Variants in SRPK2 observed in about 807,000 individuals in gnomAD.
SRPK2 encodes the protein SRSF protein kinase 2.
Under a neutral mutation model 90.8 loss-of-function variants are expected in SRPK2, and 21 were observed. The observed-to-expected ratio is 0.23, with a 90% CI of 0.16 to 0.33. The LOEUF (loss-of-function observed/expected upper bound fraction) is 0.33. Ranked by LOEUF, SRPK2 falls within the 10% of genes least tolerant of loss-of-function variation. The pLI is 1.00. For missense variants in SRPK2, 620 were observed against 869.0 expected, an observed-to-expected ratio of 0.71 and a Z score of 3.60; for synonymous variants, 288 against 311.1, an observed-to-expected ratio of 0.93 and a Z score of 0.78.
At chr7:105,165,743 A>C (rs1789963018) in intron 6 of SRPK2, among the ~76,000 whole-genome samples, 1 of 152,196 alleles carries the variant, frequency 6.6e-6, no homozygotes, top group African/African-American at 2.4e-5. Flanking sequence ...GAGGGAATAA[A>C]AGCTGGCCAC....
At chr7:105,279,447 C>T (rs376451100) in intron 2 of SRPK2, among the ~76,000 whole-genome samples, 1 of 152,108 alleles carries the variant, frequency 6.6e-6, no homozygotes, top group Non-Finnish European at 1.5e-5. Flanking sequence ...TAAGTTCTGG[C>T]AAGAAAAGTG....
At chr7:105,383,670 A>G (rs34387062) in intron 2 of SRPK2, among the ~76,000 whole-genome samples, 94,632 of 151,630 alleles carry the variant, frequency 0.62, 30,230 homozygotes, top group South Asian at 0.76. Flanking sequence ...CGCCCACCTC[A>G]TCCTCCCAAA....
intron 2 of SRPK2, among the ~76,000 whole-genome samples, chr7:105,233,176 T>C (rs1799728607): frequency 1.3e-5 from 2 of 149,636 alleles, no homozygotes; most frequent in East Asian, 3.9e-4. Flanking sequence ...AGGAGTTTAA[T>C]GAAGGCACAG....
intron 2 of SRPK2, among the ~76,000 whole-genome samples, chr7:105,219,719 C>G (rs1797874406): frequency 6.6e-6 from 1 of 152,178 alleles, no homozygotes; most frequent in Non-Finnish European, 1.5e-5. Context: ...ACTATTTAAG[C>G]CTACAATCTA....
At chr7:105,181,881 T>TAAAAAAAAAAAAA (rs755821029) in intron 3 of SRPK2, among the ~76,000 whole-genome samples, 8 of 84,826 alleles carry the variant, frequency 9.4e-5, no homozygotes, top group Non-Finnish European at 2.1e-4. Flanking sequence ...AAGATAAAAG[T>TAAAAAAAAAAAAA]AAAAAAAAAA....
chr7:105,239,573 T>C (rs1450013148), intron 2 of SRPK2, among the ~76,000 whole-genome samples: 1 of 152,150 alleles, frequency 6.6e-6, no homozygotes, highest in Non-Finnish European at 1.5e-5. Flanking sequence ...AGCCTGAACA[T>C]CAAAATATAT....
At chr7:105,266,620 A>G (rs1324107568) in intron 2 of SRPK2, among the ~76,000 whole-genome samples, 1 of 152,168 alleles carries the variant, frequency 6.6e-6, no homozygotes, top group African/African-American at 2.4e-5. Context: ...TAAGATTTAG[A>G]GCACCATGCC....
intron 2 of SRPK2, among the ~76,000 whole-genome samples, chr7:105,237,911 A>G (rs1482834895): frequency 6.6e-6 from 1 of 152,242 alleles, no homozygotes; most frequent in Non-Finnish European, 1.5e-5. Context: ...TAAACAGGCA[A>G]TAAAAGCAGC....
chr7:105,215,546 C>G (rs1329182237), intron 2 of SRPK2, among the ~76,000 whole-genome samples: 1 of 152,158 alleles, frequency 6.6e-6, no homozygotes. Context: ...ACACTCACAG[C>G]CACACTTTCT....
Position 105,383,264 on chromosome 7 carries a change from G to A in SRPK2, c.71+5384C>T, listed in dbSNP as rs1174445279. Reference sequence around the variant, plus strand: ...TATTTTTTTTTTTAGTAGAGACGGGGTTTCACCGTAGCCAGGATGGTCTCG... The same window carrying A: ...TATTTTTTTTTTTAGTAGAGACGGGATTTCACCGTAGCCAGGATGGTCTCG... On this transcript the variant is annotated intron_variant, in intron 2 of 15. Coordinates refer to ENST00000393651, the MANE Select transcript of SRPK2 (RefSeq NM_182692.3). Among the ~76,000 whole-genome samples the A allele has an allele frequency of 2.0e-5, 3 of 150,636 alleles. No individual in the cohort carries two copies. In the East Asian group the frequency reaches 5.8e-4, roughly 29 times the overall value.
chr7:105,251,745 C>A (rs927270703), intron 2 of SRPK2, among the ~76,000 whole-genome samples: 6 of 152,152 alleles, frequency 3.9e-5, no homozygotes, highest in Non-Finnish European at 7.3e-5. Context: ...TTTTAATAAT[C>A]ATTAGTAATC....
intron 7 of SRPK2, among the ~76,000 whole-genome samples, chr7:105,157,211 G>A (rs1806634860): frequency 2.0e-5 from 3 of 152,178 alleles, no homozygotes; most frequent in Admixed American, 2.0e-4. Flanking sequence ...CATGGCAAAG[G>A]AGAGTTCAAC....
intron 3 of SRPK2, among the ~76,000 whole-genome samples, chr7:105,183,686 C>T (rs1793190388): frequency 2.0e-5 from 3 of 151,334 alleles, no homozygotes; most frequent in East Asian, 4.0e-4. Flanking sequence ...ATGGGGTTTT[C>T]ACCATGTTAG....
Position 105,203,774 on chromosome 7 carries a change from T to C in SRPK2, c.83A>G (p.Gln28Arg). Residue 28 changes from glutamine to arginine, a missense_variant, in exon 3 of 16, where the codon CAA becomes CGA. Transcript: ENST00000393651. ...REKHPKKPEP[Q>R]QKAPLVPPPP... The stretch of plus-strand genomic sequence containing the variant: ...AGGAGGAACTAAAGGAGCTTTCTGT[T>C]GAGGCTCCGGCCTGAAAGAGCAGAG... 1 of 1,588,486 alleles carries C rather than the reference T, an allele frequency of 6.3e-7. No homozygotes were observed. The highest frequency in any genetic ancestry group is 8.6e-7 in the Non-Finnish European group (1 of 1,166,952).
intron 7 of SRPK2, among the ~76,000 whole-genome samples, chr7:105,150,435 TG>T (rs1805469664): frequency 1.3e-5 from 2 of 152,170 alleles, no homozygotes; most frequent in African/African-American, 4.8e-5. Context: ...CTCAAGAGGC[TG>T]AGGCACAAGG....
Position 105,248,436 on chromosome 7 carries a change from T to TAAA in SRPK2, c.72-44654_72-44652dup, listed in dbSNP as rs56040288. Among the ~76,000 whole-genome samples, 296 of 127,854 alleles carry TAAA rather than the reference T, an allele frequency of 2.3e-3. 1 individual carries two copies. The highest frequency in any genetic ancestry group is 8.1e-3 in the African/African-American group (272 of 33,664). The allele number at this position is 127,854 out of a possible 152,430, so 83.9% of individuals were successfully genotyped here. On this transcript the variant is annotated intron_variant, in intron 2 of 15. Transcript: ENST00000393651. ...CGAGATGCCATCTTTACAAAAAATTTAAAAAAAAAAAAAAAAAAAAAGTCA... is the reference window on the plus strand; with the variant it reads ...CGAGATGCCATCTTTACAAAAAATTTAAAAAAAAAAAAAAAAAAAAAAAAGTCA...
At chr7:105,273,436 T>C (rs1301232980) in intron 2 of SRPK2, among the ~76,000 whole-genome samples, 2 of 151,578 alleles carry the variant, frequency 1.3e-5, no homozygotes, top group Non-Finnish European at 2.9e-5. Flanking sequence ...TTTTTCTTTT[T>C]TTTTTTTGAG....
In SRPK2 at chr7:105,118,005, T is replaced by C. The variant is rs778188164; in HGVS notation, c.1933A>G (p.Thr645Ala). Residue 645 changes from threonine to alanine, a missense_variant, in exon 16 of 16, where the codon ACC (threonine) becomes GCC (alanine). By Grantham distance (58) the Thr-to-Ala change is moderately conservative. This residue lies in a region of SRPK2 where 71 missense variants were observed against 123.1 expected (regional missense o/e 0.58). Transcript: ENST00000393651. ...FNRRGELRHI[T>A]KLKPWSLFDV... ...AAGAGGCTCCAGGGCTTCAGCTTGGTGATGTGTCGCAGTTCTCCTACAGGG... is the reference window on the plus strand; with the variant it reads ...AAGAGGCTCCAGGGCTTCAGCTTGGCGATGTGTCGCAGTTCTCCTACAGGG... 2.5e-6 allele frequency: 4 copies of C among 1,613,994 alleles called. No homozygotes were observed. Among genetic ancestry groups the C allele is most frequent in the Non-Finnish European group, 3.4e-6 (4 of 1,179,998 alleles).
chr7:105,162,646 TA>T (rs1468175134), intron 6 of SRPK2, among the ~76,000 whole-genome samples: 18 of 152,230 alleles, frequency 1.2e-4, no homozygotes, highest in African/African-American at 4.3e-4. Context: ...TATGCGCAGA[TA>T]ATCTAAAGCC....
Sources: gnomAD v4.1 joint callset for allele counts (sites outside exome capture counted in the v4.1 genomes callset) on GRCh38, gnomAD v4.1.1 for gene constraint, gnomAD v4.1.1 regional missense constraint, MANE v1.5 for transcripts, NCBI Gene and HGNC (gene_info 2026-07-23, HGNC 2026-07-21) for gene names.